CREB5: variants seen among roughly 807,000 people sequenced by gnomAD.
CREB5 encodes the protein cyclic AMP-responsive element-binding protein 5.
A neutral mutation model predicts 57.1 loss-of-function variants in CREB5; 19 were observed. The ratio of observed to expected loss-of-function variants is 0.33; its 90% CI spans 0.23 to 0.49. The LOEUF is 0.49. CREB5 is among the 20% of genes least tolerant of loss of function. The pLI, the probability that CREB5 is intolerant of heterozygous loss-of-function variation, is 0.99. For synonymous variants in CREB5, 238 were observed against 238.3 expected, an observed-to-expected ratio of 1.00 and a Z score of 0.01; for missense variants, 579 against 671.6, an observed-to-expected ratio of 0.86 and a Z score of 1.52.
chr7:28,561,732 C>T (rs1195317043), intron 4 of CREB5, among the ~76,000 whole-genome samples: 1 of 152,196 alleles, frequency 6.6e-6, no homozygotes, highest in African/African-American at 2.4e-5. Context: ...GCTGCAAGAA[C>T]AGTGAACAGT....
intron 1 of CREB5, among the ~76,000 whole-genome samples, chr7:28,392,311 A>G (rs187810100): frequency 1.3e-4 from 20 of 152,326 alleles, no homozygotes; most frequent in Admixed American, 8.5e-4. Context: ...TTCTTTAAAA[A>G]AGAGCATGCT....
chr7:28,475,461 A>G (rs534069942), intron 1 of CREB5, among the ~76,000 whole-genome samples: 146 of 133,652 alleles, frequency 1.1e-3, no homozygotes, highest in African/African-American at 4.7e-3. Context: ...CTATTTGGGG[A>G]ATAAAGGGAG....
chr7:28,795,372 C>T (rs1807968664), intron 7 of CREB5, among the ~76,000 whole-genome samples: 1 of 152,194 alleles, frequency 6.6e-6, no homozygotes, highest in African/African-American at 2.4e-5. Flanking sequence ...ACACTCTCGA[C>T]TAGCTTTGTA....
In CREB5 at chr7:28,327,495, T is replaced by C. The variant is rs777131905; in HGVS notation, c.-25+28054T>C. On this transcript the variant is annotated intron_variant, in intron 1 of 9. Coordinates refer to the CREB5 transcript ENST00000396299. ...GAAGGTGTTTGATAAAAAATGATTA[T>C]TTGAATTAAAATTCATTTATATAAC... is the stretch of plus-strand genomic sequence containing the variant. 4.1e-4 allele frequency among the ~76,000 whole-genome samples: 63 copies of C among 152,348 alleles called. No individual in the cohort carries two copies. In the Middle Eastern group the frequency reaches 0.01, roughly 25 times the overall value.
intron 5 of CREB5, among the ~76,000 whole-genome samples, chr7:28,672,659 G>T (rs534141226): frequency 6.6e-6 from 1 of 152,030 alleles, no homozygotes; most frequent in Non-Finnish European, 1.5e-5. Context: ...AGCCAACAAC[G>T]AATTCAGGGA....
At chr7:28,795,174 C>CA (rs1469107450) in intron 7 of CREB5, among the ~76,000 whole-genome samples, 1 of 152,178 alleles carries the variant, frequency 6.6e-6, no homozygotes, top group East Asian at 1.9e-4. Context: ...TTTGCGAAGT[C>CA]AAAATCCCCA....
chr7:28,694,711 A>T (rs534872379), intron 5 of CREB5, among the ~76,000 whole-genome samples: 4 of 152,238 alleles, frequency 2.6e-5, no homozygotes, highest in African/African-American at 9.6e-5. Flanking sequence ...CACATTGGCT[A>T]TGTTTTTAAT....
chr7:28,556,216 C>T (rs1187024071), intron 4 of CREB5, among the ~76,000 whole-genome samples: 2 of 152,152 alleles, frequency 1.3e-5, no homozygotes, highest in East Asian at 3.9e-4. Context: ...TACATAAACA[C>T]CAGGTGCCAA....
chr7:28,348,801 A>G (rs1408912735), intron 1 of CREB5, among the ~76,000 whole-genome samples: 1 of 152,188 alleles, frequency 6.6e-6, no homozygotes, highest in African/African-American at 2.4e-5. Context: ...CATTCCTTGC[A>G]TAGAACACTC....
At chr7:28,798,101 A>G (rs1472626394) in intron 7 of CREB5, among the ~76,000 whole-genome samples, 1 of 152,216 alleles carries the variant, frequency 6.6e-6, no homozygotes, top group Non-Finnish European at 1.5e-5. Flanking sequence ...ACCCAGAAAC[A>G]CTACATTTTG....
chr7:28,489,424 C>T (rs1264168764), intron 2 of CREB5, among the ~76,000 whole-genome samples: 1 of 151,474 alleles, frequency 6.6e-6, no homozygotes, highest in Non-Finnish European at 1.5e-5. Flanking sequence ...CTCAGCCTCC[C>T]AAGTAGCTGG....
intron 1 of CREB5, among the ~76,000 whole-genome samples, chr7:28,327,467 A>G (rs58146180): frequency 1.0e-3 from 157 of 152,312 alleles, no homozygotes; most frequent in Admixed American, 3.0e-3. Context: ...TTCCTTGCAC[A>G]TAGAAGGTGT....
intron 7 of CREB5, among the ~76,000 whole-genome samples, chr7:28,785,576 C>T (rs1220193436): frequency 1.3e-5 from 2 of 152,152 alleles, no homozygotes; most frequent in South Asian, 2.1e-4. Flanking sequence ...TAAAGTCAGA[C>T]CTTGACCACT....
At position 28,805,004 on chromosome 7, in the gene CREB5, A is replaced by ATT. The variant is rs1392965647; in HGVS notation, c.1026+482_1026+483insTT. Reference sequence around the variant, plus strand: ...ACAGGCAATCTTCTGAGTAACAGTGAATGTTAAAAATCTAAAGAGTAACAA... The same window carrying ATT: ...ACAGGCAATCTTCTGAGTAACAGTGATTATGTTAAAAATCTAAAGAGTAACAA... On this transcript the variant is annotated intron_variant, in intron 8 of 10. Coordinates refer to ENST00000357727, the MANE Select transcript of CREB5 (RefSeq NM_182898.4). 5.3e-5 allele frequency among the ~76,000 whole-genome samples: 8 copies of ATT among 152,344 alleles called. No homozygotes were observed. The East Asian group carries it at 1.2e-3, about 22-fold the overall frequency.
chr7:28,488,362 C>A, intron 2 of CREB5, 116 bp downstream of exon 2: 1 of 754,708 alleles, frequency 1.3e-6, no homozygotes, highest in Non-Finnish European at 2.2e-6. Flanking sequence ...AAGACACCAC[C>A]AAAGTCCCCC....
intron 1 of CREB5, among the ~76,000 whole-genome samples, chr7:28,473,633 G>A (rs1790931645): frequency 6.6e-6 from 1 of 152,210 alleles, no homozygotes; most frequent in South Asian, 2.1e-4. Flanking sequence ...TGGGGAAGAT[G>A]AGGAAGACAG....
rs147584759 is a variant in CREB5, at chr7:28,562,765, A to G, written c.292-7600A>G. The stretch of plus-strand genomic sequence containing the variant: ...TCCAGCTGTAAAAGTGGTGATGATG[A>G]CATTGATCCAAATTAGTGGTATGCC... On this transcript the variant is annotated intron_variant, in intron 4 of 10. Coordinates refer to ENST00000357727, the MANE Select transcript of CREB5 (RefSeq NM_182898.4). Among the ~76,000 whole-genome samples, 483 of 152,370 alleles carry G rather than the reference A, an allele frequency of 3.2e-3. 1 individual carries two copies. Among genetic ancestry groups the G allele is most frequent in the African/African-American group, 0.011 (455 of 41,588 alleles).
At chr7:28,484,959 GT>G (rs1466614037) in intron 1 of CREB5, among the ~76,000 whole-genome samples, 2 of 152,072 alleles carry the variant, frequency 1.3e-5, no homozygotes, top group East Asian at 3.9e-4. Context: ...TAATTCTAAG[GT>G]ATTTGCTGTA....
At chr7:28,421,583 G>A (rs1489963397) in intron 1 of CREB5, among the ~76,000 whole-genome samples, 1 of 151,958 alleles carries the variant, frequency 6.6e-6, no homozygotes, top group Non-Finnish European at 1.5e-5. Flanking sequence ...ACACATAGGA[G>A]AATCCAGGGT....
Sources: gnomAD v4.1 joint callset for allele counts (sites outside exome capture counted in the v4.1 genomes callset) on GRCh38, gnomAD v4.1.1 for gene constraint, MANE v1.5 for transcripts, NCBI Gene and HGNC (gene_info 2026-07-23, HGNC 2026-07-21) for gene names.